Variants in ITCH observed in about 807,000 individuals in gnomAD.
ITCH encodes the protein E3 ubiquitin-protein ligase Itchy homolog.
A neutral mutation model predicts 126.8 loss-of-function variants in ITCH; 28 were observed. The ratio of observed to expected loss-of-function variants is 0.22; its 90% CI spans 0.16 to 0.30. The LOEUF (loss-of-function observed/expected upper bound fraction) is 0.30, where lower values mean the gene tolerates loss of function less well. Among genes scored for constraint, ITCH ranks in the 10% least tolerant of loss-of-function variants. ITCH has a pLI of 1.00. For missense variants in ITCH, 631 were observed against 1,032.4 expected (o/e 0.61, Z 5.33); for synonymous variants, 342 against 340.0 (o/e 1.01, Z -0.06).
At chr20:34,445,570 A>G (rs371953814) in intron 11 of ITCH, 109 bp downstream of exon 11, 71 of 1,017,206 alleles carry the variant, frequency 7.0e-5, no homozygotes, top group African/African-American at 6.5e-4. Context: ...ATGGCAACCC[A>G]GTTGTTGCTG....
intron 1 of ITCH, among the ~76,000 whole-genome samples, chr20:34,365,036 C>CA (rs991641085): frequency 2.0e-5 from 3 of 151,376 alleles, no homozygotes; most frequent in African/African-American, 4.9e-5. Context: ...CCCGTCTCTA[C>CA]AAAAAATACA....
chr20:34,448,565 G>A (rs1461391706), intron 11 of ITCH, among the ~76,000 whole-genome samples: 4 of 152,010 alleles, frequency 2.6e-5, no homozygotes, highest in African/African-American at 9.7e-5. Context: ...ATGTGGGAAT[G>A]TGGGATTCAT....
At chr20:34,503,884 G>T (rs200200995) in intron 23 of ITCH, among the ~76,000 whole-genome samples, 1,747 of 95,444 alleles carry the variant, frequency 0.018, 8 homozygotes, top group African/African-American at 0.043. Flanking sequence ...TTTTTTTTTT[G>T]GTTTTTTTTT....
chr20:34,408,090 C>T (rs1465699359), intron 3 of ITCH, among the ~76,000 whole-genome samples: 1 of 152,156 alleles, frequency 6.6e-6, no homozygotes, highest in Non-Finnish European at 1.5e-5. Context: ...CCTGCCCAGC[C>T]ATATGTGTAC....
chr20:34,476,867 TG>T (rs1988279802), intron 16 of ITCH: 1 of 152,902 alleles, frequency 6.5e-6, no homozygotes, highest in South Asian at 2.1e-4. Flanking sequence ...CACACAATTT[TG>T]GTCAAATAAT....
intron 2 of ITCH, among the ~76,000 whole-genome samples, chr20:34,379,613 T>A (rs1344407829): frequency 5.3e-5 from 8 of 150,022 alleles, no homozygotes; most frequent in Admixed American, 4.7e-4. Flanking sequence ...TTTTTTTTTT[T>A]AGACGGAGTC....
intron 22 of ITCH, among the ~76,000 whole-genome samples, chr20:34,491,526 A>G (rs997763242): frequency 6.6e-6 from 1 of 152,206 alleles, no homozygotes; most frequent in African/African-American, 2.4e-5. Flanking sequence ...TACACTCAAA[A>G]TGGTTAAAAT....
chr20:34,375,641 T>C (rs904328559), intron 2 of ITCH, among the ~76,000 whole-genome samples: 1 of 150,994 alleles, frequency 6.6e-6, no homozygotes, highest in Non-Finnish European at 1.5e-5. Flanking sequence ...TTAAAATAAT[T>C]TAAAAATACT....
In ITCH at chr20:34,444,539, C is replaced by T. The variant is rs1430016196; in HGVS notation, c.966-748C>T. 5.3e-5 allele frequency among the ~76,000 whole-genome samples: 8 copies of T among 151,970 alleles called. 1 individual carries two copies. The highest frequency in any genetic ancestry group is 2.0e-4 in the Admixed American group (3 of 15,276). ...CAGAGGTTGCGGTGAGCCAAGATCG[C>T]GCCATTGCACTCCATCCAGTCTGGG... On this transcript the variant is annotated intron_variant, in intron 10 of 24. Coordinates refer to ENST00000374864, the MANE Select transcript of ITCH (RefSeq NM_031483.7).
chr20:34,393,384 C>T (rs2038555189), intron 2 of ITCH, among the ~76,000 whole-genome samples: 1 of 152,064 alleles, frequency 6.6e-6, no homozygotes, highest in Non-Finnish European at 1.5e-5. Context: ...GTGGCACCCA[C>T]TTATAGTCTT....
At chr20:34,425,897 C>T (rs1378263397) in intron 7 of ITCH, among the ~76,000 whole-genome samples, 2 of 152,256 alleles carry the variant, frequency 1.3e-5, no homozygotes, top group East Asian at 1.9e-4. Context: ...ACTGTTCTTT[C>T]TCTGTACTTT....
At chr20:34,382,812 C>T (rs1238124654) in intron 2 of ITCH, among the ~76,000 whole-genome samples, 1 of 151,110 alleles carries the variant, frequency 6.6e-6, no homozygotes, top group Non-Finnish European at 1.5e-5. Context: ...GGCATGATCT[C>T]TGTTCACTGA....
rs191470528 is a variant in ITCH at position 34,396,264 on chromosome 20, C to T, written c.70+2383C>T. On this transcript the variant is annotated intron_variant, in intron 3 of 24. Coordinates refer to ENST00000374864, the MANE Select transcript of ITCH (RefSeq NM_031483.7). ...GGCCAGGCTGGTCTCGAACTCCTGA[C>T]CTCAGGTGATCCACCTGCCTCGGCC... is the stretch of plus-strand genomic sequence containing the variant. Among the ~76,000 whole-genome samples, 448 of 152,036 alleles carry T rather than the reference C, an allele frequency of 2.9e-3. 1 individual carries two copies. Among genetic ancestry groups the T allele is most frequent in the Non-Finnish European group, 5.4e-3 (370 of 67,964 alleles).
At chr20:34,385,467 A>C (rs1275208068) in intron 2 of ITCH, among the ~76,000 whole-genome samples, 1 of 152,062 alleles carries the variant, frequency 6.6e-6, no homozygotes, top group African/African-American at 2.4e-5. Context: ...ATAGTAGTAC[A>C]ACAATATTTA....
At chr20:34,373,944 GCA>G (rs1214242344) in intron 2 of ITCH, among the ~76,000 whole-genome samples, 2 of 151,616 alleles carry the variant, frequency 1.3e-5, no homozygotes, top group Non-Finnish European at 2.9e-5. Context: ...GAGTGCAGTG[GCA>G]CAGTCTTGGC....
chr20:34,485,386 CTAGTAGTATTTGAGAGTTGCT>C (rs1299614833), intron 20 of ITCH, among the ~76,000 whole-genome samples: 1 of 152,170 alleles, frequency 6.6e-6, no homozygotes, highest in Non-Finnish European at 1.5e-5. Flanking sequence ...TGCAGTCCTA[CTAGTAGTATTTGAGAGTTGCT>C]TCACGTTCTT....
chr20:34,510,500 G>A lies in ITCH; in HGVS notation c.*2706G>A, dbSNP rs976444286. On this transcript the variant is annotated 3_prime_UTR_variant, in exon 25 of 25. Transcript: ENST00000374864. ...CATGTTACATTGAAATAAAAACAAA[G>A]TAAAATGAGCAATTGCCTTATTGTT... 30 of 75,274 alleles carry A rather than the reference G, an allele frequency of 4.0e-4. No homozygotes were observed. Among genetic ancestry groups the A allele is most frequent in the Non-Finnish European group, 6.6e-4 (27 of 41,208 alleles). The allele number at this position is 75,274 out of a possible 1,614,324, so 4.7% of individuals were successfully genotyped here.
At chr20:34,474,308 C>CG (rs928201241) in intron 16 of ITCH, among the ~76,000 whole-genome samples, 1 of 152,296 alleles carries the variant, frequency 6.6e-6, no homozygotes, top group Admixed American at 6.5e-5. Context: ...GAGGACCCTG[C>CG]GGCCTTCCGC....
intron 3 of ITCH, among the ~76,000 whole-genome samples, chr20:34,404,400 TCA>T (rs1181374740): frequency 2.0e-5 from 3 of 151,542 alleles, no homozygotes; most frequent in African/African-American, 4.8e-5. Context: ...TTTTTAAATT[TCA>T]CAGAGCTTCT....
Sources: allele counts gnomAD v4.1 joint callset (sites outside exome capture counted in the v4.1 genomes callset), GRCh38; gene constraint gnomAD v4.1.1; transcripts MANE v1.5; gene names NCBI Gene and HGNC (gene_info 2026-07-23, HGNC 2026-07-21).